The following EPHA7 variants were observed in gnomAD, a reference collection of about 807,000 sequenced individuals.
EPHA7 encodes EPH receptor A7.
A neutral mutation model predicts 112.6 loss-of-function variants in EPHA7; 25 were observed. The observed-to-expected ratio is 0.22, with a 90% CI of 0.16 to 0.31. EPHA7 has a LOEUF of 0.31. Among genes scored for constraint, EPHA7 ranks in the 10% least tolerant of loss-of-function variants. EPHA7 has a pLI of 1.00. For missense variants in EPHA7, 962 were observed against 1,212.6 expected (o/e 0.79, Z 3.07); for synonymous variants, 437 against 406.5 (o/e 1.07, Z -0.90).
intron 5 of EPHA7, among the ~76,000 whole-genome samples, chr6:93,287,256 T>C (rs1393481256): frequency 6.6e-6 from 1 of 152,196 alleles, no homozygotes; most frequent in Non-Finnish European, 1.5e-5. Context: ...ATCTCTTTTC[T>C]TCACTGTATA....
chr6:93,258,080 A>G lies in EPHA7; in HGVS notation c.2110+19T>C. On this transcript the variant is annotated intron_variant, in intron 11 of 16. Transcript: ENST00000369303. ...ACACTCAGTCTTTTTGATAAAATAA[A>G]GATATAACCAATATCTACCTCTTGT... 1 of 1,600,222 alleles carries G rather than the reference A, an allele frequency of 6.2e-7. No individual in the cohort carries two copies. The highest frequency in any genetic ancestry group is 1.1e-5 in the South Asian group (1 of 89,398).
chr6:93,345,876 T>G (rs1385736302), intron 5 of EPHA7, among the ~76,000 whole-genome samples: 1 of 151,630 alleles, frequency 6.6e-6, no homozygotes, highest in Non-Finnish European at 1.5e-5. Flanking sequence ...TCTGCATCAT[T>G]CCACCAGATT....
Position 93,257,495 on chromosome 6 carries a change from G to T in EPHA7, c.2139C>A (p.Phe713Leu). The change falls in exon 12 of 17, where the codon TTC becomes TTA. Residue 713 changes from phenylalanine (F) to leucine (L), a missense_variant. By Grantham distance (22) the Phe-to-Leu change is conservative. Transcript: ENST00000369303. ...ATGCATCTAGGGCTCCATTTTCCAT[G>T]AACTCTATTACTATCATGACTGGTT... ...RGKPVMIVIE[F>L]MENGALDAFL... 6.2e-7 allele frequency: 1 copy of T among 1,611,128 alleles called. No individual in the cohort carries two copies. The highest frequency in any genetic ancestry group is 8.5e-7 in the Non-Finnish European group (1 of 1,178,490).
intron 5 of EPHA7, among the ~76,000 whole-genome samples, chr6:93,297,393 ATC>A (rs1772726614): frequency 1.3e-5 from 2 of 152,134 alleles, no homozygotes; most frequent in Admixed American, 1.3e-4. Context: ...TTGTGTTTGG[ATC>A]TCAAGTAAAG....
chr6:93,246,737 GT>G, intron 15 of EPHA7, 54 bp downstream of exon 15: 1 of 1,466,322 alleles, frequency 6.8e-7, no homozygotes, highest in Non-Finnish European at 9.4e-7. Context: ...GAGATAAATG[GT>G]TTATGTTACT....
At chr6:93,299,845 A>G (rs1380043131) in intron 5 of EPHA7, among the ~76,000 whole-genome samples, 3 of 152,206 alleles carry the variant, frequency 2.0e-5, no homozygotes, top group Non-Finnish European at 4.4e-5. Flanking sequence ...GAGCTGGAGG[A>G]CTTTATCCTT....
At chr6:93,364,663 C>T (rs544419162) in intron 3 of EPHA7, among the ~76,000 whole-genome samples, 32 of 151,762 alleles carry the variant, frequency 2.1e-4, no homozygotes, top group African/African-American at 3.6e-4. Context: ...CATATATACT[C>T]TATATGCATC....
At chr6:93,313,518 T>G (rs2127869510) in intron 5 of EPHA7, among the ~76,000 whole-genome samples, 1 of 152,008 alleles carries the variant, frequency 6.6e-6, no homozygotes, top group African/African-American at 2.4e-5. Context: ...TAAAAGAATC[T>G]CATTCATATA....
Position 93,404,178 on chromosome 6 carries a change from C to CTATGTTG in EPHA7, c.832+6316_832+6322dup, listed in dbSNP as rs570338519. Reference sequence around the variant, plus strand: ...GCCTGAAGCTTTCTGAATAATGATACTATGTTGTGTTTTACAAAATACAAT... The same window carrying CTATGTTG: ...GCCTGAAGCTTTCTGAATAATGATACTATGTTGTATGTTGTGTTTTACAAAATACAAT... On this transcript the variant is annotated intron_variant, in intron 3 of 16. Transcript: ENST00000369303. Among the ~76,000 whole-genome samples the CTATGTTG allele has an allele frequency of 3.7e-3, 569 of 151,954 alleles. 3 individuals are homozygous for CTATGTTG. The highest frequency in any genetic ancestry group is 6.9e-3 in the Non-Finnish European group (466 of 67,950).
In EPHA7 at chr6:93,243,509, C is replaced by T; in HGVS notation, c.2914G>A (p.Gly972Ser). ...DVMSLGITLV[G>S]HQKKIMSSIQ... Reference sequence around the variant, plus strand: ...CTGCTCATGATTTTCTTTTGATGACCAACCAGTGTGATCCCTAAACTCATC... The same window carrying T: ...CTGCTCATGATTTTCTTTTGATGACTAACCAGTGTGATCCCTAAACTCATC... Residue 972 changes from glycine (G) to serine (S), a missense_variant, in exon 17 of 17, where the codon GGT becomes AGT. Coordinates refer to ENST00000369303, the MANE Select transcript of EPHA7 (RefSeq NM_004440.4). The T allele has an allele frequency of 6.2e-7, 1 of 1,613,438 alleles. No homozygotes were observed. Among genetic ancestry groups the T allele is most frequent in the Non-Finnish European group, 8.5e-7 (1 of 1,179,520 alleles).
intron 14 of EPHA7, among the ~76,000 whole-genome samples, chr6:93,248,282 G>A (rs1244702717): frequency 6.6e-6 from 1 of 151,944 alleles, no homozygotes; most frequent in Non-Finnish European, 1.5e-5. Context: ...TTGTAGGATA[G>A]GATGTAATGA....
intron 5 of EPHA7, among the ~76,000 whole-genome samples, chr6:93,328,965 A>T (rs1298935891): frequency 6.6e-6 from 1 of 151,484 alleles, no homozygotes; most frequent in Non-Finnish European, 1.5e-5. Flanking sequence ...CATTTTGCAG[A>T]ATGAATTAAC....
intron 3 of EPHA7, among the ~76,000 whole-genome samples, chr6:93,363,569 T>C (rs1776358560): frequency 6.6e-6 from 1 of 152,044 alleles, no homozygotes; most frequent in African/African-American, 2.4e-5. Context: ...ATAACAAGTG[T>C]TGGTGAAAAT....
At chr6:93,291,559 G>A (rs1009735911) in intron 5 of EPHA7, among the ~76,000 whole-genome samples, 97 of 151,482 alleles carry the variant, frequency 6.4e-4, no homozygotes, top group African/African-American at 2.3e-3. Context: ...ACGAGGTCAG[G>A]AGATCGAGAC....
intron 5 of EPHA7, among the ~76,000 whole-genome samples, chr6:93,272,834 A>T (rs1193921660): frequency 1.3e-5 from 2 of 152,064 alleles, no homozygotes; most frequent in African/African-American, 4.8e-5. Flanking sequence ...ATGATGCAAG[A>T]AAAAGTGTAT....
chr6:93,398,203 T>C (rs1029614718), intron 3 of EPHA7, among the ~76,000 whole-genome samples: 1 of 152,004 alleles, frequency 6.6e-6, no homozygotes, highest in Admixed American at 6.6e-5. Context: ...TTTCTCAAAT[T>C]GAAACACACC....
intron 5 of EPHA7, among the ~76,000 whole-genome samples, chr6:93,302,849 C>T (rs547137859): frequency 2.6e-5 from 4 of 152,026 alleles, no homozygotes; most frequent in Non-Finnish European, 5.9e-5. Context: ...CGATGGAAAC[C>T]ACACTTAAAG....
At chr6:93,338,558 A>G (rs994046417) in intron 5 of EPHA7, among the ~76,000 whole-genome samples, 23 of 152,128 alleles carry the variant, frequency 1.5e-4, no homozygotes, top group South Asian at 6.2e-4. Context: ...TAAATTTCAA[A>G]AATAGATGTT....
At position 93,403,661 on chromosome 6, in the gene EPHA7, T is replaced by TAA. The variant is rs59162017; in HGVS notation, c.832+6838_832+6839dup. Among the ~76,000 whole-genome samples the TAA allele has an allele frequency of 3.9e-5, 5 of 128,686 alleles. No individual in the cohort carries two copies. The East Asian group carries it at 8.8e-4, about 23-fold the overall frequency. The allele number at this position is 128,686 out of a possible 152,430, so 84.4% of individuals were successfully genotyped here. ...GGGCAACATGGCAACACTCATCTCT[T>TAA]AAAAAAAAAAAAAAAAGAAAAAGGA... On this transcript the variant is annotated intron_variant, in intron 3 of 16. Transcript: ENST00000369303.
Sources: allele counts gnomAD v4.1 joint callset (sites outside exome capture counted in the v4.1 genomes callset), GRCh38; gene constraint gnomAD v4.1.1; transcripts MANE v1.5; gene names NCBI Gene and HGNC (gene_info 2026-07-23, HGNC 2026-07-21).